The following SERINC5 variants were observed in gnomAD, a reference collection of about 807,000 sequenced individuals.
The protein encoded by SERINC5 is serine incorporator 5, also known as chromosome 5 open reading frame 12.
A neutral mutation model predicts 63.1 loss-of-function variants in SERINC5; 41 were observed. The ratio of observed to expected loss-of-function variants is 0.65; its 90% CI spans 0.51 to 0.84. SERINC5 has a LOEUF of 0.84. Ranked by LOEUF, SERINC5 falls within the 40% of genes least tolerant of loss-of-function variation. The pLI is 0.00. For synonymous variants in SERINC5, 222 were observed against 215.2 expected (o/e 1.03, Z -0.28); for missense variants, 523 against 573.0 (o/e 0.91, Z 0.89).
chr5:80,229,622 A>C (rs898055594), intron 1 of SERINC5, among the ~76,000 whole-genome samples: 3 of 126,250 alleles, frequency 2.4e-5, no homozygotes, highest in African/African-American at 1.1e-4. Context: ...TGCTTACAGG[A>C]ACTAATTAAA....
Position 80,140,246 on chromosome 5 carries a change from G to C in SERINC5, c.*3417C>G, listed in dbSNP as rs1323438064. ...TCCTTGAGCCCAGGAGGTCAAGCCT[G>C]CCATGAGTCAAGATCATGTCACTGC... On this transcript the variant is annotated 3_prime_UTR_variant, in exon 12 of 12. Coordinates refer to ENST00000507668, the MANE Select transcript of SERINC5 (RefSeq NM_001174072.3). 3 of 894,984 alleles carry C rather than the reference G, an allele frequency of 3.4e-6. No homozygotes were observed. Among genetic ancestry groups the C allele is most frequent in the African/African-American group, 2.0e-5 (1 of 49,574 alleles). The allele number at this position is 894,984 out of a possible 1,614,324, so 55.4% of individuals were successfully genotyped here.
chr5:80,222,452 A>G (rs1298672479), intron 1 of SERINC5, among the ~76,000 whole-genome samples: 1 of 151,836 alleles, frequency 6.6e-6, no homozygotes, highest in Non-Finnish European at 1.5e-5. Flanking sequence ...TGAAACAGAG[A>G]TTTACTTCAT....
downstream of SERINC5, among the ~76,000 whole-genome samples, chr5:80,137,163 A>C (rs866728272): frequency 9.2e-6 from 1 of 108,646 alleles, no homozygotes; most frequent in East Asian, 2.5e-4. Flanking sequence ...AAAAAAAAAA[A>C]CAAAAAAAAC....
chr5:80,220,525 T>C (rs1228656537), intron 1 of SERINC5, among the ~76,000 whole-genome samples: 1 of 152,150 alleles, frequency 6.6e-6, no homozygotes, highest in African/African-American at 2.4e-5. Flanking sequence ...GGAGTGGATG[T>C]TGGACTGGGC....
chr5:80,205,960 G>C (rs1313084872), intron 1 of SERINC5, among the ~76,000 whole-genome samples: 5 of 143,212 alleles, frequency 3.5e-5, no homozygotes, highest in African/African-American at 1.3e-4. Context: ...AATATTAGCC[G>C]GGTGTGGTGG....
Position 80,139,183 on chromosome 5 carries a change from T to C in SERINC5, c.*4480A>G, listed in dbSNP as rs1043087340. On this transcript the variant is annotated 3_prime_UTR_variant, in exon 12 of 12. Coordinates refer to ENST00000507668, the MANE Select transcript of SERINC5 (RefSeq NM_001174072.3). ...TACAGCTAATCGTTTCAGAAAAGTTTAAAAAATTAGCAAAGTTATATCTAT... is the reference window on the plus strand; with the variant it reads ...TACAGCTAATCGTTTCAGAAAAGTTCAAAAAATTAGCAAAGTTATATCTAT... 2.0e-6 allele frequency: 2 copies of C among 983,962 alleles called. No individual in the cohort carries two copies. The highest frequency in any genetic ancestry group is 2.4e-6 in the Non-Finnish European group (2 of 828,716). The allele number at this position is 983,962 out of a possible 1,614,324, so 61.0% of individuals were successfully genotyped here.
At chr5:80,170,386 G>T (rs139285905) in intron 5 of SERINC5, among the ~76,000 whole-genome samples, 54 of 152,234 alleles carry the variant, frequency 3.5e-4, no homozygotes, top group African/African-American at 1.3e-3. Context: ...GCAGCCATCC[G>T]GGTTGCATGG....
chr5:80,174,299 C>T (rs1232161840), intron 5 of SERINC5, among the ~76,000 whole-genome samples: 3 of 150,540 alleles, frequency 2.0e-5, no homozygotes, highest in Non-Finnish European at 3.0e-5. Flanking sequence ...CCTGGGAAAT[C>T]GAAGCTGCAG....
rs1233519827 is a variant in SERINC5, at chr5:80,251,279, AATACATACATGCATACATACATAC to A, written c.27+4593_27+4616del. The stretch of plus-strand genomic sequence containing the variant: ...GGGCAAGAGCTAGATCCCATCTTTA[AATACATACATGCATACATACATAC>A]ATACATACATACATACATACATACA... On this transcript the variant is annotated intron_variant, in intron 1 of 11. Transcript: ENST00000507668. 9.1e-3 allele frequency among the ~76,000 whole-genome samples: 1,220 copies of A among 133,872 alleles called. 15 individuals are homozygous for A. Among genetic ancestry groups the A allele is most frequent in the African/African-American group, 0.032 (1,100 of 34,892 alleles). 87.8% of individuals were successfully genotyped at this position (133,872 alleles called of 152,430 possible).
intron 2 of SERINC5, among the ~76,000 whole-genome samples, chr5:80,181,416 T>TTTGTGTGTGTGTGTGTGTGTGTGTG (rs113118702): frequency 6.9e-6 from 1 of 145,348 alleles, no homozygotes; most frequent in South Asian, 2.3e-4. Context: ...TCAGCTAATT[T>TTTGTGTGTGTGTGTGTGTGTGTGTG]TGTGTGTGTG....
In SERINC5 at chr5:80,150,863, GA is replaced by G; in HGVS notation, c.1053+18del. The G allele has an allele frequency of 1.9e-6, 3 of 1,579,950 alleles. No homozygotes were observed. The highest frequency in any genetic ancestry group is 2.6e-6 in the Non-Finnish European group (3 of 1,148,894). On this transcript the variant is annotated intron_variant, in intron 9 of 11. Transcript: ENST00000507668. ...GATCTTCTGAGATGAAGCAGGACAG[GA>G]AAAGGAAATGAACTTACCTCCAATT...
At position 80,198,416 on chromosome 5, in the gene SERINC5, A is replaced by C. The variant is rs181147394; in HGVS notation, c.195+4470T>G. The C allele has an allele frequency of 4.6e-4, 243 of 530,400 alleles. 1 individual carries two copies. In the African/African-American group the frequency reaches 4.7e-3, roughly 10 times the overall value. The allele number at this position is 530,400 out of a possible 1,614,324, so 32.9% of individuals were successfully genotyped here. On this transcript the variant is annotated intron_variant, in intron 2 of 11. Transcript: ENST00000507668. The stretch of plus-strand genomic sequence containing the variant: ...TTGCAGTCCCCTCTTACTCAAACTT[A>C]AACACAGGCCACATTCTGCAACCAA...
chr5:80,229,050 T>TGGCGGGG lies in SERINC5; in HGVS notation c.28-25998_28-25997insCCCCGCC, dbSNP rs1751303992. On this transcript the variant is annotated intron_variant, in intron 1 of 11. Transcript: ENST00000507668. ...TTTTTTTTTTTTTTTTTTTTTTTTT[T>TGGCGGGG]GGGGATGGAGTTGCCTAGGCTGGAG... Among the ~76,000 whole-genome samples the TGGCGGGG allele has an allele frequency of 1.1e-4, 10 of 94,104 alleles. 1 individual carries two copies. Among genetic ancestry groups the TGGCGGGG allele is most frequent in the Non-Finnish European group, 1.7e-4 (8 of 46,824 alleles). The allele number at this position is 94,104 out of a possible 152,430, so 61.7% of individuals were successfully genotyped here.
At chr5:80,148,662 T>C (rs1291456351) in intron 9 of SERINC5, among the ~76,000 whole-genome samples, 1 of 149,336 alleles carries the variant, frequency 6.7e-6, no homozygotes, top group African/African-American at 2.5e-5. Context: ...AGTGAGGCCC[T>C]GTCTCAAAAA....
intron 2 of SERINC5, among the ~76,000 whole-genome samples, chr5:80,199,062 T>C (rs1231013154): frequency 6.6e-6 from 1 of 152,172 alleles, no homozygotes; most frequent in Non-Finnish European, 1.5e-5. Flanking sequence ...TGCTCTAGAA[T>C]CTGTAATGGC....
chr5:80,160,531 G>C (rs193248697), intron 7 of SERINC5, among the ~76,000 whole-genome samples: 4 of 152,282 alleles, frequency 2.6e-5, no homozygotes, highest in African/African-American at 4.8e-5. Flanking sequence ...AACAGTAAAC[G>C]TAACTATGTA....
In SERINC5 at chr5:80,141,078, G is replaced by A; in HGVS notation, c.*2585C>T. Reference sequence around the variant, plus strand: ...ATCCAGGAATGTTGACTCCTCACCTGAGTATTGTATATCACAATTAATAAC... The same window carrying A: ...ATCCAGGAATGTTGACTCCTCACCTAAGTATTGTATATCACAATTAATAAC... On this transcript the variant is annotated 3_prime_UTR_variant, in exon 12 of 12. Transcript: ENST00000507668. The A allele has an allele frequency of 4.1e-6, 4 of 985,342 alleles. No individual in the cohort carries two copies. Among genetic ancestry groups the A allele is most frequent in the Non-Finnish European group, 4.8e-6 (4 of 829,862 alleles). 61.0% of individuals were successfully genotyped at this position (985,342 alleles called of 1,614,324 possible). A position where few individuals can be genotyped will look rare whatever the true frequency, so the allele number is the denominator to read the frequency against.
chr5:80,215,330 C>T (rs1373058744), intron 1 of SERINC5, among the ~76,000 whole-genome samples: 6 of 152,282 alleles, frequency 3.9e-5, no homozygotes, highest in East Asian at 1.9e-4. Flanking sequence ...CCTTGTCTTC[C>T]GCCATGATTG....
At chr5:80,224,955 T>G (rs1365241461) in intron 1 of SERINC5, among the ~76,000 whole-genome samples, 10 of 99,300 alleles carry the variant, frequency 1.0e-4, no homozygotes, top group South Asian at 2.9e-4. Flanking sequence ...GTTTTTTTTT[T>G]TTTTAGACAA....
Sources: gnomAD v4.1 joint callset for allele counts (sites outside exome capture counted in the v4.1 genomes callset) on GRCh38, gnomAD v4.1.1 for gene constraint, MANE v1.5 for transcripts, NCBI Gene and HGNC (gene_info 2026-07-23, HGNC 2026-07-21) for gene names.